Variants in CLNK observed in about 807,000 individuals in gnomAD.
CLNK encodes cytokine dependent hematopoietic cell linker.
Under a neutral mutation model 68.6 loss-of-function variants are expected in CLNK, and 74 were observed. That is an observed-to-expected ratio of 1.08 (90% CI 0.89 to 1.31). CLNK has a LOEUF of 1.31. CLNK is among the 50% of genes most tolerant of loss of function. CLNK has a pLI of 0.00. For synonymous variants in CLNK, 198 were observed against 172.2 expected (o/e 1.15, Z -1.17); for missense variants, 553 against 515.3 (o/e 1.07, Z -0.71).
chr4:10,536,492 C>G (rs1718765307), intron 11 of CLNK, among the ~76,000 whole-genome samples: 1 of 152,180 alleles, frequency 6.6e-6, no homozygotes, highest in Non-Finnish European at 1.5e-5. Context: ...CCCAGTGTCT[C>G]CTATGGGGCT....
Position 10,539,572 on chromosome 4 carries a change from G to C in CLNK, c.602+922C>G, listed in dbSNP as rs56332435. Among the ~76,000 whole-genome samples, 740 of 152,256 alleles carry C rather than the reference G, an allele frequency of 4.9e-3. 5 individuals are homozygous for C. Among genetic ancestry groups the C allele is most frequent in the African/African-American group, 0.017 (722 of 41,558 alleles). On this transcript the variant is annotated intron_variant, in intron 11 of 18. Transcript: ENST00000226951. ...ATCACTTTTCTGACTTTCAAAATAA[G>C]GTAATTTTGGAAATTTAAACTCTTT...
At chr4:10,642,754 T>C (rs937647865) in intron 2 of CLNK, among the ~76,000 whole-genome samples, 4 of 152,206 alleles carry the variant, frequency 2.6e-5, no homozygotes, top group African/African-American at 7.2e-5. Context: ...GCTGGGAAAG[T>C]CATCTAACTT....
At chr4:10,534,484 GA>G (rs1718662885) in intron 11 of CLNK, among the ~76,000 whole-genome samples, 1 of 151,482 alleles carries the variant, frequency 6.6e-6, no homozygotes, top group African/African-American at 2.5e-5. Flanking sequence ...TAAATGAATT[GA>G]ATTTGATTCT....
chr4:10,596,226 T>C (rs1721379254), intron 3 of CLNK, among the ~76,000 whole-genome samples: 1 of 152,116 alleles, frequency 6.6e-6, no homozygotes, highest in Admixed American at 6.5e-5. Context: ...GGTTTCTCCA[T>C]GTTGGTCAGG....
intron 2 of CLNK, among the ~76,000 whole-genome samples, chr4:10,661,897 G>C (rs1433627695): frequency 6.6e-6 from 1 of 152,122 alleles, no homozygotes; most frequent in Non-Finnish European, 1.5e-5. Context: ...TATTGCTAAG[G>C]AAATTATAAC....
At chr4:10,626,694 T>G (rs1722689432) in intron 2 of CLNK, among the ~76,000 whole-genome samples, 2 of 152,180 alleles carry the variant, frequency 1.3e-5, no homozygotes, top group Non-Finnish European at 1.5e-5. Flanking sequence ...ATATGCACTA[T>G]GAGATGTACC....
upstream of CLNK, among the ~76,000 whole-genome samples, chr4:10,688,789 C>T (rs969185280): frequency 6.6e-6 from 1 of 151,970 alleles, no homozygotes; most frequent in Admixed American, 6.6e-5. Flanking sequence ...TTTTGAGCTT[C>T]GGCTATGCAT....
chr4:10,491,270 A>T (rs1173487379), intron 18 of CLNK, among the ~76,000 whole-genome samples: 1 of 152,296 alleles, frequency 6.6e-6, no homozygotes, highest in East Asian at 1.9e-4. Flanking sequence ...TATCCTAAGG[A>T]CTCAGATGGG....
chr4:10,699,072 C>G, the CLNK span, among the ~76,000 whole-genome samples: 3 of 151,984 alleles, frequency 2.0e-5, no homozygotes, highest in African/African-American at 7.2e-5. Flanking sequence ...CCTTTGAACA[C>G]ACACTGGAAC....
chr4:10,599,294 C>A (rs577640932), intron 2 of CLNK, among the ~76,000 whole-genome samples: 99 of 152,228 alleles, frequency 6.5e-4, no homozygotes, highest in Non-Finnish European at 1.2e-3. Flanking sequence ...TGACTTGAGG[C>A]TCTCTCTTCA....
the CLNK span, among the ~76,000 whole-genome samples, chr4:10,713,735 G>T: frequency 6.6e-6 from 1 of 152,046 alleles, no homozygotes; most frequent in Non-Finnish European, 1.5e-5. Flanking sequence ...GTGAAAGCGT[G>T]TTGTTAAAAG....
chr4:10,665,525 A>G (rs911468913), intron 2 of CLNK, among the ~76,000 whole-genome samples: 10 of 152,150 alleles, frequency 6.6e-5, no homozygotes, highest in Admixed American at 5.9e-4. Context: ...TTAGCCAGGC[A>G]TGGTGGTAGA....
chr4:10,527,731 G>A (rs1229784452), intron 13 of CLNK, among the ~76,000 whole-genome samples: 1 of 152,210 alleles, frequency 6.6e-6, no homozygotes, highest in Non-Finnish European at 1.5e-5. Context: ...GTGCATGGGT[G>A]ACATCAGAGG....
chr4:10,513,997 A>C (rs1717722677), intron 15 of CLNK, among the ~76,000 whole-genome samples: 1 of 109,340 alleles, frequency 9.1e-6, no homozygotes, highest in African/African-American at 3.4e-5. Flanking sequence ...TCCCAATGCT[A>C]TCCCTCCCCC....
chr4:10,557,135 A>G (rs547778447), intron 8 of CLNK, among the ~76,000 whole-genome samples: 3 of 151,480 alleles, frequency 2.0e-5, no homozygotes, highest in East Asian at 3.9e-4. Flanking sequence ...AACTCAGGTT[A>G]GGGGTCTTAC....
chr4:10,651,293 C>T (rs905592994), intron 2 of CLNK, among the ~76,000 whole-genome samples: 1 of 152,148 alleles, frequency 6.6e-6, no homozygotes, highest in Non-Finnish European at 1.5e-5. Flanking sequence ...GACTTGGAAC[C>T]AACCCAAATG....
intron 11 of CLNK, among the ~76,000 whole-genome samples, chr4:10,536,640 G>A (rs1718771897): frequency 6.6e-6 from 1 of 152,156 alleles, no homozygotes; most frequent in Admixed American, 6.6e-5. Context: ...CATCCACTGG[G>A]CTTGGTACTT....
intron 18 of CLNK, among the ~76,000 whole-genome samples, chr4:10,500,454 G>A (rs1218990158): frequency 2.0e-5 from 3 of 152,196 alleles, no homozygotes; most frequent in African/African-American, 7.2e-5. Flanking sequence ...GCCAAGGCAG[G>A]CAGATCATCT....
the CLNK span, among the ~76,000 whole-genome samples, chr4:10,727,786 G>T: frequency 6.6e-6 from 1 of 152,202 alleles, no homozygotes; most frequent in East Asian, 1.9e-4. Flanking sequence ...CCAGGCAGCA[G>T]AGAGAAGAAA....
Sources: gnomAD v4.1 joint callset for allele counts (sites outside exome capture counted in the v4.1 genomes callset) on GRCh38, gnomAD v4.1.1 for gene constraint, MANE v1.5 for transcripts, NCBI Gene and HGNC (gene_info 2026-07-23, HGNC 2026-07-21) for gene names.